The following SCRN1 variants were observed in gnomAD, a reference collection of about 807,000 sequenced individuals.
The protein encoded by SCRN1 is secernin 1, also known as secernin-1.
SCRN1 carries 19 observed loss-of-function variants against 43.3 expected under a neutral mutation model. That is an observed-to-expected ratio of 0.44 (90% CI 0.31 to 0.64). The LOEUF (loss-of-function observed/expected upper bound fraction) is 0.64. SCRN1 is among the 30% of genes least tolerant of loss of function. SCRN1 has a pLI of 0.09. For missense variants in SCRN1, 447 were observed against 524.1 expected, an observed-to-expected ratio of 0.85 and a Z score of 1.44; for synonymous variants, 183 against 188.9, an observed-to-expected ratio of 0.97 and a Z score of 0.26.
At chr7:29,934,463 T>C (rs1787257065) in intron 6 of SCRN1, among the ~76,000 whole-genome samples, 1 of 152,192 alleles carries the variant, frequency 6.6e-6, no homozygotes. Context: ...TAAAAAGCCA[T>C]GCCCAAATAC....
At chr7:29,983,717 G>C (rs1789065015) in intron 1 of SCRN1, among the ~76,000 whole-genome samples, 1 of 152,184 alleles carries the variant, frequency 6.6e-6, no homozygotes, top group South Asian at 2.1e-4. Context: ...TACTAGACTT[G>C]CATGGAATTA....
intron 2 of SCRN1, among the ~76,000 whole-genome samples, chr7:29,957,882 T>C (rs1396737953): frequency 6.6e-6 from 1 of 152,122 alleles, no homozygotes; most frequent in Non-Finnish European, 1.5e-5. Context: ...GGAGCTGCCA[T>C]GATGTCATTA....
intron 1 of SCRN1, among the ~76,000 whole-genome samples, chr7:29,977,018 T>C (rs1788855786): frequency 6.6e-6 from 1 of 152,242 alleles, no homozygotes; most frequent in Non-Finnish European, 1.5e-5. Context: ...GGCAAGGTTT[T>C]TTTCTGCATG....
intron 6 of SCRN1, among the ~76,000 whole-genome samples, chr7:29,928,308 G>A (rs1047110863): frequency 5.9e-5 from 9 of 152,002 alleles, no homozygotes; most frequent in East Asian, 3.9e-4. Context: ...AGATCCCTGC[G>A]GATTCATAAC....
At chr7:29,982,167 A>C (rs1370233763) in intron 1 of SCRN1, among the ~76,000 whole-genome samples, 1 of 152,184 alleles carries the variant, frequency 6.6e-6, no homozygotes, top group Non-Finnish European at 1.5e-5. Flanking sequence ...CTGTGATTGG[A>C]ATTATACTGA....
chr7:29,977,183 T>C (rs905080798), intron 1 of SCRN1, among the ~76,000 whole-genome samples: 1 of 152,210 alleles, frequency 6.6e-6, no homozygotes, highest in Admixed American at 6.5e-5. Flanking sequence ...CAAGTACCGA[T>C]GACCAACTGC....
At position 29,936,618 on chromosome 7, in the gene SCRN1, G is replaced by A. The variant is rs891223863; in HGVS notation, c.843C>T (p.Val281=). Reference sequence around the variant, plus strand: ...ACGGAGAGCTTCTATTCTGCGGCAGGACAGACACTCCACTGGCTGTGGTGA... The same window carrying A: ...ACGGAGAGCTTCTATTCTGCGGCAGAACAGACACTCCACTGGCTGTGGTGA... ...FFLTTASGVS[V]LPQNRSSPCI... Residue 281 remains valine (V), a synonymous_variant, in exon 6 of 8, where the codon GTC becomes GTT. Transcript: ENST00000242059. 7.5e-6 allele frequency: 12 copies of A among 1,608,180 alleles called. No individual in the cohort carries two copies. Among genetic ancestry groups the A allele is most frequent in the Non-Finnish European group, 1.0e-5 (12 of 1,175,404 alleles).
Position 29,942,516 on chromosome 7 carries a change from A to G in SCRN1, c.544+1461T>C, listed in dbSNP as rs57440840. Among the ~76,000 whole-genome samples, 4 of 152,360 alleles carry G rather than the reference A, an allele frequency of 2.6e-5. No individual in the cohort carries two copies. The East Asian group carries it at 7.7e-4, about 29-fold the overall frequency. ...AAAAGCAATATGACTGCTTTGAAGC[A>G]TGGATTACTAGCACTCTTGATGGAA... is the stretch of plus-strand genomic sequence containing the variant. On this transcript the variant is annotated intron_variant, in intron 4 of 7. Coordinates refer to ENST00000242059, the MANE Select transcript of SCRN1 (RefSeq NM_014766.5).
At chr7:29,983,194 A>G (rs1297609629) in intron 1 of SCRN1, among the ~76,000 whole-genome samples, 2 of 150,366 alleles carry the variant, frequency 1.3e-5, no homozygotes, top group Non-Finnish European at 2.9e-5. Context: ...TTAGAGTTCT[A>G]TAGTTTTCTT....
At chr7:29,989,269 G>A (rs1326553585) in intron 1 of SCRN1, 1 of 152,320 alleles carries the variant, frequency 6.6e-6, no homozygotes, top group Non-Finnish European at 1.5e-5. Flanking sequence ...CAGACCCCAG[G>A]GTGGCGAGGC....
At chr7:29,935,563 A>G (rs1014087692) in intron 6 of SCRN1, among the ~76,000 whole-genome samples, 1 of 152,228 alleles carries the variant, frequency 6.6e-6, no homozygotes, top group African/African-American at 2.4e-5. Flanking sequence ...GATCAGACTT[A>G]CCTGACAGAT....
At chr7:29,946,366 C>T (rs1196224307) in intron 3 of SCRN1, among the ~76,000 whole-genome samples, 1 of 152,226 alleles carries the variant, frequency 6.6e-6, no homozygotes, top group Non-Finnish European at 1.5e-5. Context: ...AGGCCTCCTT[C>T]CTCCCTTCCA....
intron 1 of SCRN1, among the ~76,000 whole-genome samples, chr7:29,988,183 T>C (rs907015707): frequency 6.6e-6 from 1 of 152,214 alleles, no homozygotes; most frequent in Non-Finnish European, 1.5e-5. Context: ...TGTGCACTGC[T>C]CTTGGATGAT....
At chr7:29,942,040 T>C (rs1250141294) in intron 4 of SCRN1, among the ~76,000 whole-genome samples, 2 of 152,264 alleles carry the variant, frequency 1.3e-5, no homozygotes, top group African/African-American at 4.8e-5. Flanking sequence ...GAAATAAGCA[T>C]TCCTGGCTGG....
intron 3 of SCRN1, among the ~76,000 whole-genome samples, chr7:29,954,334 T>C (rs1359285672): frequency 6.6e-6 from 1 of 151,890 alleles, no homozygotes; most frequent in Non-Finnish European, 1.5e-5. Flanking sequence ...CATATTTTTA[T>C]ATATATATTA....
At position 29,938,908 on chromosome 7, in the gene SCRN1, C is replaced by G. The variant is rs145500483; in HGVS notation, c.739+1774G>C. ...CTAGCGCCACTGGGTTAGGGTCTCC[C>G]CAACCAAGCTGGTCTCGGCAATTAT... On this transcript the variant is annotated intron_variant, in intron 5 of 7. Coordinates refer to ENST00000242059, the MANE Select transcript of SCRN1 (RefSeq NM_014766.5). Among the ~76,000 whole-genome samples the G allele has an allele frequency of 3.1e-3, 477 of 152,240 alleles. 14 individuals carry two copies. The highest frequency in any genetic ancestry group is 0.027 in the Admixed American group (411 of 15,292).
At chr7:29,990,127 C>A (rs1013677859), upstream of SCRN1, 13 of 1,550,608 alleles carry the variant, frequency 8.4e-6, no homozygotes, top group African/African-American at 1.4e-5. Flanking sequence ...TTGGTTGCTA[C>A]GTCCGGGCCT....
intron 3 of SCRN1, among the ~76,000 whole-genome samples, chr7:29,952,457 A>G (rs964910559): frequency 2.6e-5 from 4 of 152,230 alleles, no homozygotes; most frequent in Admixed American, 6.5e-5. Flanking sequence ...TGAGAGGCTG[A>G]GGCAGGCGGA....
chr7:29,985,574 G>A (rs751133682), intron 1 of SCRN1, among the ~76,000 whole-genome samples: 1 of 151,978 alleles, frequency 6.6e-6, no homozygotes, highest in Non-Finnish European at 1.5e-5. Context: ...ATTTCGATAT[G>A]GGAACACAGA....
Sources: allele counts gnomAD v4.1 joint callset (sites outside exome capture counted in the v4.1 genomes callset), GRCh38; gene constraint gnomAD v4.1.1; transcripts MANE v1.5; gene names NCBI Gene and HGNC (gene_info 2026-07-23, HGNC 2026-07-21).